The following DCT variants were observed in gnomAD, a reference collection of about 807,000 sequenced individuals.
DCT encodes dopachrome tautomerase, also known as L-dopachrome tautomerase.
DCT carries 47 observed loss-of-function variants against 53.0 expected under a neutral mutation model. That is an observed-to-expected ratio of 0.89 (90% CI 0.70 to 1.13). The LOEUF (loss-of-function observed/expected upper bound fraction) is 1.13. Ranked by LOEUF, DCT falls within the 50% of genes most tolerant of loss-of-function variation. The pLI, the probability that DCT is intolerant of heterozygous loss-of-function variation, is 0.00. For missense variants in DCT, 669 were observed against 637.4 expected, an observed-to-expected ratio of 1.05 and a Z score of -0.53; for synonymous variants, 244 against 237.0, an observed-to-expected ratio of 1.03 and a Z score of -0.27.
At chr13:94,507,883 G>A in the DCT span, among the ~76,000 whole-genome samples, 1 of 152,180 alleles carries the variant, frequency 6.6e-6, no homozygotes, top group Non-Finnish European at 1.5e-5. Flanking sequence ...AGAGTCAAGA[G>A]TCTACATGTT....
chr13:94,534,713 A>T, the DCT span, among the ~76,000 whole-genome samples: 3 of 152,222 alleles, frequency 2.0e-5, no homozygotes, highest in African/African-American at 7.2e-5. Context: ...AGGGAGTGAG[A>T]TCTTCAAAGA....
At chr13:94,541,260 T>G in the DCT span, among the ~76,000 whole-genome samples, 2 of 152,114 alleles carry the variant, frequency 1.3e-5, no homozygotes, top group Admixed American at 6.5e-5. Context: ...TTTCAGCACT[T>G]TGGGAGGCCG....
At chr13:94,518,776 A>G in the DCT span, among the ~76,000 whole-genome samples, 2 of 152,202 alleles carry the variant, frequency 1.3e-5, no homozygotes, top group South Asian at 2.1e-4. Flanking sequence ...TTAAAACTGA[A>G]TATCTGAATA....
At chr13:94,445,883 GT>G in intron 6 of DCT, 1 of 654,014 alleles carries the variant, frequency 1.5e-6, no homozygotes, top group Non-Finnish European at 2.7e-6. Flanking sequence ...GGGAGAAACT[GT>G]GGGGGGGCGG....
the DCT span, among the ~76,000 whole-genome samples, chr13:94,497,991 G>A: frequency 6.6e-6 from 1 of 152,164 alleles, no homozygotes; most frequent in African/African-American, 2.4e-5. Flanking sequence ...ATTCTTAAAT[G>A]CAAAGAACAA....
chr13:94,547,974 AAAAAAAAAAAAT>A, the DCT span, among the ~76,000 whole-genome samples: 1 of 106,080 alleles, frequency 9.4e-6, no homozygotes, highest in Non-Finnish European at 1.7e-5. Flanking sequence ...AAAAAAAAAA[AAAAAAAAAAAAT>A]ATATATATAT....
the DCT span, among the ~76,000 whole-genome samples, chr13:94,548,245 T>C: frequency 2.6e-5 from 4 of 151,994 alleles, no homozygotes; most frequent in African/African-American, 9.7e-5. Flanking sequence ...GGGATAATAA[T>C]ATGTACTTCA....
At chr13:94,456,859 T>C (rs1189379049) in intron 6 of DCT, among the ~76,000 whole-genome samples, 2 of 152,234 alleles carry the variant, frequency 1.3e-5, no homozygotes, top group East Asian at 1.9e-4. Flanking sequence ...GCTGGGTGCA[T>C]TGGCTCACGC....
At chr13:94,540,985 C>T in the DCT span, among the ~76,000 whole-genome samples, 2 of 152,168 alleles carry the variant, frequency 1.3e-5, no homozygotes. Context: ...CTGTCATTTG[C>T]AACAATGTGG....
chr13:94,520,176 C>A, the DCT span, among the ~76,000 whole-genome samples: 2 of 152,196 alleles, frequency 1.3e-5, no homozygotes, highest in Non-Finnish European at 2.9e-5. Flanking sequence ...TCTATTTCAG[C>A]ATGAAGTTCC....
At chr13:94,494,471 G>A in the DCT span, among the ~76,000 whole-genome samples, 1 of 152,036 alleles carries the variant, frequency 6.6e-6, no homozygotes, top group Admixed American at 6.6e-5. Flanking sequence ...GGTATTATTT[G>A]CTGATCTCCT....
intron 2 of DCT, chr13:94,468,404 C>CCTTT: frequency 4.4e-6 from 1 of 225,690 alleles, no homozygotes; most frequent in Non-Finnish European, 8.8e-6. Context: ...GCTTCCATGG[C>CCTTT]CAGATTCGCA....
chr13:94,542,610 A>G, the DCT span, among the ~76,000 whole-genome samples: 1 of 152,078 alleles, frequency 6.6e-6, no homozygotes, highest in Non-Finnish European at 1.5e-5. Flanking sequence ...CATGCGTTCA[A>G]TTCCCCACCT....
upstream of DCT, among the ~76,000 whole-genome samples, chr13:94,479,853 T>C (rs767145729): frequency 6.6e-6 from 1 of 152,152 alleles, no homozygotes; most frequent in Non-Finnish European, 1.5e-5. Context: ...ACTTCTGGCT[T>C]TATTTCAGGA....
chr13:94,469,692 C>T (rs4773795), intron 1 of DCT, among the ~76,000 whole-genome samples: 21,641 of 152,204 alleles, frequency 0.14, 1,907 homozygotes, highest in Non-Finnish European at 0.2. Flanking sequence ...CCTCCTGCGT[C>T]CACTCCACGC....
At chr13:94,465,850 C>A in intron 3 of DCT, 51 bp from the exon 4 acceptor site, 1 of 1,530,766 alleles carries the variant, frequency 6.5e-7, no homozygotes, top group Non-Finnish European at 8.9e-7. Flanking sequence ...TCAGATACAA[C>A]AAGAAAGCAT....
At chr13:94,457,620 C>T (rs1399093395) in intron 6 of DCT, among the ~76,000 whole-genome samples, 1 of 152,098 alleles carries the variant, frequency 6.6e-6, no homozygotes, top group East Asian at 1.9e-4. Flanking sequence ...TTGGATATCA[C>T]ACAATCTAAC....
the DCT span, among the ~76,000 whole-genome samples, chr13:94,522,856 C>T: frequency 2.0e-5 from 3 of 152,208 alleles, no homozygotes; most frequent in African/African-American, 7.2e-5. Context: ...AACTCAAACT[C>T]AGGCCTTCTG....
Position 94,438,837 on chromosome 13 carries a change from C to T in DCT, c.*1061G>A. The T allele has an allele frequency of 3.1e-6, 1 of 320,002 alleles. No individual in the cohort carries two copies. 19.8% of individuals were successfully genotyped at this position (320,002 alleles called of 1,614,324 possible). A position where few individuals can be genotyped will look rare whatever the true frequency, so the allele number is the denominator to read the frequency against. On this transcript the variant is annotated 3_prime_UTR_variant, in exon 8 of 8. Coordinates refer to ENST00000377028, the MANE Select transcript of DCT (RefSeq NM_001922.5). ...TGATAAGACTTAATTGATCAGCATTCATAAGTAACTGTGAGTATTCGGCAA... is the reference window on the plus strand; with the variant it reads ...TGATAAGACTTAATTGATCAGCATTTATAAGTAACTGTGAGTATTCGGCAA...
Sources: allele counts gnomAD v4.1 joint callset (sites outside exome capture counted in the v4.1 genomes callset), GRCh38; gene constraint gnomAD v4.1.1; transcripts MANE v1.5; gene names NCBI Gene and HGNC (gene_info 2026-07-23, HGNC 2026-07-21).